CD1E: variants seen among roughly 807,000 people sequenced by gnomAD.
CD1E encodes CD1e molecule, also known as T-cell surface glycoprotein CD1e, membrane-associated.
In CD1E, 49 loss-of-function variants were observed where a neutral mutation model predicts 40.1. The observed-to-expected ratio is 1.22, with a 90% CI of 0.97 to 1.55. The LOEUF is 1.55. Among genes scored for constraint, CD1E ranks in the 40% most tolerant of loss-of-function variants. The pLI, the probability that CD1E is intolerant of heterozygous loss-of-function variation, is 0.00. For synonymous variants in CD1E, 189 were observed against 178.3 expected (o/e 1.06, Z -0.48); for missense variants, 492 against 471.3 (o/e 1.04, Z -0.41).
intron 4 of CD1E, 93 bp from the exon 5 acceptor site, chr1:158,356,405 T>A: frequency 9.5e-7 from 1 of 1,051,922 alleles, no homozygotes; most frequent in Non-Finnish European, 1.4e-6. Context: ...CAGATGAAAA[T>A]TCTAGGAAGG....
chr1:158,355,401 A>G lies in CD1E; in HGVS notation c.457A>G (p.Ile153Val), dbSNP rs1417987319. 6.2e-7 allele frequency: 1 copy of G among 1,613,994 alleles called. No homozygotes were observed. The highest frequency in any genetic ancestry group is 1.7e-5 in the Admixed American group (1 of 60,004). The change falls in exon 3 of 6, where the codon ATT becomes GTT. Residue 153 changes from isoleucine to valine, a missense_variant. Transcript: ENST00000368167. Reference protein sequence around the residue: ...QGSDFLSFQGISWEPSPGAGI... With the variant: ...QGSDFLSFQGVSWEPSPGAGI... ...GTCAGATTTCCTGAGTTTCCAAGGA[A>G]TTTCCTGGGAGCCATCTCCAGGAGC... is the stretch of plus-strand genomic sequence containing the variant.
At chr1:158,354,736 G>A in intron 2 of CD1E, 63 bp downstream of exon 2, 1 of 1,393,092 alleles carries the variant, frequency 7.2e-7, no homozygotes, top group Non-Finnish European at 1.0e-6. Context: ...CAAAGTGGAA[G>A]ATAGTATATA....
chr1:158,356,470 T>G, intron 4 of CD1E, 28 bp from the exon 5 acceptor site: 1 of 1,509,300 alleles, frequency 6.6e-7, no homozygotes, highest in African/African-American at 1.4e-5. Flanking sequence ...TATTTTAGGG[T>G]TGGTATTCTT....
Position 158,355,917 on chromosome 1 carries a change from C to G in CD1E, c.716C>G (p.Pro239Arg), listed in dbSNP as rs1282198053. 2 of 1,613,994 alleles carry G rather than the reference C, an allele frequency of 1.2e-6. No individual in the cohort carries two copies. The highest frequency in any genetic ancestry group is 2.7e-5 in the African/African-American group (2 of 74,908). ...CATGTCTCAGGATTCTACCCAAAGC[C>G]CGTGTGGGTGATGTGGATGCGGGGT... ...VCHVSGFYPK[P>R]VWVMWMRGEQ... The change falls in exon 4 of 6, where the codon CCC becomes CGC. Residue 239 changes from proline to arginine, a missense_variant. By Grantham distance (103) the Pro-to-Arg change is moderately radical (BLOSUM62 -2). Transcript: ENST00000368167.
rs1370900532 is a variant in CD1E, at chr1:158,357,041, A to G, written c.*145A>G. ...TAGGAATACTTTTTCCCCATCTTCC[A>G]GAGATTTTTTTTTTCCTGCTTTGGC... On this transcript the variant is annotated 3_prime_UTR_variant, in exon 6 of 6. Transcript: ENST00000368167. 1 of 645,566 alleles carries G rather than the reference A, an allele frequency of 1.5e-6. No individual in the cohort carries two copies. The highest frequency in any genetic ancestry group is 1.8e-5 in the African/African-American group (1 of 54,450). 40.0% of individuals were successfully genotyped at this position (645,566 alleles called of 1,614,324 possible). A position where few individuals can be genotyped will look rare whatever the true frequency, so the allele number is the denominator to read the frequency against.
At chr1:158,356,170 G>A (rs1484999655) in intron 4 of CD1E, 65 bp downstream of exon 4, 3 of 1,575,442 alleles carry the variant, frequency 1.9e-6, no homozygotes, top group Non-Finnish European at 2.6e-6. Flanking sequence ...TGAGTGTGGG[G>A]CTGAGGAAAT....
In CD1E at chr1:158,356,944, C is replaced by T; in HGVS notation, c.*48C>T. 2.2e-5 allele frequency: 32 copies of T among 1,475,568 alleles called. No individual in the cohort carries two copies. The highest frequency in any genetic ancestry group is 3.0e-5 in the Non-Finnish European group (32 of 1,055,106). The allele number at this position is 1,475,568 out of a possible 1,614,324, so 91.4% of individuals were successfully genotyped here. The stretch of plus-strand genomic sequence containing the variant: ...AAATCCTTGTCTGCATCTTCTTAAA[C>T]ACCGTCCATGTCCCATAAGGGAAGC... On this transcript the variant is annotated 3_prime_UTR_variant, in exon 6 of 6. Coordinates refer to ENST00000368167, the MANE Select transcript of CD1E (RefSeq NM_030893.4).
rs1364338424 is a variant in CD1E at position 158,356,108 on chromosome 1, G to A, written c.904+3G>A. The A allele has an allele frequency of 1.4e-5, 22 of 1,613,436 alleles. No individual in the cohort carries two copies. The Admixed American group carries it at 3.7e-4, about 27-fold the overall frequency. ...CCATGATCTAATCATCCATTGGGGTGAGAAACAGCTGAGGCTCTGCTGGGA... is the reference window on the plus strand; with the variant it reads ...CCATGATCTAATCATCCATTGGGGTAAGAAACAGCTGAGGCTCTGCTGGGA... On this transcript the variant is annotated splice_donor_region_variant and intron_variant, in intron 4 of 5. Transcript: ENST00000368167.
At chr1:158,356,182 G>A (rs1653650796) in intron 4 of CD1E, 77 bp downstream of exon 4, 1 of 1,523,002 alleles carries the variant, frequency 6.6e-7, no homozygotes, top group Non-Finnish European at 9.0e-7. Flanking sequence ...TGAGGAAATG[G>A]GTAGGAATGC....
At position 158,355,811 on chromosome 1, in the gene CD1E, A is replaced by G. The variant is rs1557837797; in HGVS notation, c.626-16A>G. On this transcript the variant is annotated splice_polypyrimidine_tract_variant and intron_variant, in intron 3 of 5. Transcript: ENST00000368167. ...CCCTTCAAAATTCCATTTTTTTTCT[A>G]TCTTCTTCTTCCTAGTGAAGCCAGA... 2 of 1,593,298 alleles carry G rather than the reference A, an allele frequency of 1.3e-6. 1 individual carries two copies.
In CD1E at chr1:158,355,496, C is replaced by T; in HGVS notation, c.552C>T (p.Ser184=). Reference sequence around the variant, plus strand: ...TAGATATTAAGGAAATACTGCAAAGCCTTCTTGGTCACACCTGCCCTCGAT... The same window carrying T: ...TAGATATTAAGGAAATACTGCAAAGTCTTCTTGGTCACACCTGCCCTCGAT... ...RYLDIKEILQ[S]LLGHTCPRFL... The change falls in exon 3 of 6, where the codon AGC becomes AGT. Residue 184 remains serine, a synonymous_variant. Coordinates refer to ENST00000368167, the MANE Select transcript of CD1E (RefSeq NM_030893.4). 6.2e-7 allele frequency: 1 copy of T among 1,614,108 alleles called. No individual in the cohort carries two copies. The highest frequency in any genetic ancestry group is 8.5e-7 in the Non-Finnish European group (1 of 1,180,000).
At chr1:158,355,720 T>A in intron 3 of CD1E, 107 bp from the exon 4 acceptor site, 2 of 1,419,862 alleles carry the variant, frequency 1.4e-6, no homozygotes, top group Non-Finnish European at 9.4e-7. Flanking sequence ...GAGAAAGAAG[T>A]GATTACTAAA....
Position 158,356,869 on chromosome 1 carries a change from G to A in CD1E, c.1140G>A (p.Trp380Ter). Residue 380 changes from tryptophan to a stop codon, truncating the protein, a stop_gained, in exon 6 of 6, where the codon TGG becomes TGA. Coordinates refer to ENST00000368167, the MANE Select transcript of CD1E (RefSeq NM_030893.4). LOFTEE classifies it high-confidence loss of function. ...SWIKNRVLKK[W>*]KTRLNQLW ...TCAAAAACAGAGTATTGAAGAAGTG[G>A]AAGACACGCCTAAACCAACTCTGGT... 6.2e-7 allele frequency: 1 copy of A among 1,613,912 alleles called. No homozygotes were observed. The highest frequency in any genetic ancestry group is 8.5e-7 in the Non-Finnish European group (1 of 1,179,970).
At chr1:158,355,279 C>G (rs1387242329) in intron 2 of CD1E, 21 bp from the exon 3 acceptor site, 7 of 1,608,636 alleles carry the variant, frequency 4.4e-6, no homozygotes, top group South Asian at 2.2e-5. Flanking sequence ...ATAATGATCT[C>G]TCTTCCCTGT....
rs1343817793 is a variant in CD1E, at chr1:158,357,004, T to A, written c.*108T>A. 4 of 871,280 alleles carry A rather than the reference T, an allele frequency of 4.6e-6. No individual in the cohort carries two copies. Among genetic ancestry groups the A allele is most frequent in the Non-Finnish European group, 7.2e-6 (4 of 557,628 alleles). The allele number at this position is 871,280 out of a possible 1,614,324, so 54.0% of individuals were successfully genotyped here. A position where few individuals can be genotyped will look rare whatever the true frequency, so the allele number is the denominator to read the frequency against. ...TTTAAACAGTTTATACTAGCAAAGA[T>A]ACTGACCCCTTTAGGAATACTTTTT... On this transcript the variant is annotated 3_prime_UTR_variant, in exon 6 of 6. Coordinates refer to ENST00000368167, the MANE Select transcript of CD1E (RefSeq NM_030893.4).
At position 158,355,856 on chromosome 1, in the gene CD1E, C is replaced by T; in HGVS notation, c.655C>T (p.Pro219Ser). The change falls in exon 4 of 6, where the codon CCC becomes TCC. Residue 219 changes from proline (P) to serine (S), a missense_variant. Transcript: ENST00000368167. Reference protein sequence around the residue: ...VKPEAWLSCGPSPGPGRLQLV... With the variant: ...VKPEAWLSCGSSPGPGRLQLV... The stretch of plus-strand genomic sequence containing the variant: ...GCCAGAGGCCTGGCTGTCCTGTGGC[C>T]CCAGTCCTGGCCCTGGCCGTCTGCA... 3 of 1,613,970 alleles carry T rather than the reference C, an allele frequency of 1.9e-6. No individual in the cohort carries two copies. The highest frequency in any genetic ancestry group is 1.7e-5 in the Admixed American group (1 of 60,018).
At position 158,357,168 on chromosome 1, in the gene CD1E, T is replaced by C; in HGVS notation, c.*272T>C. 3.1e-6 allele frequency: 1 copy of C among 321,906 alleles called. No individual in the cohort carries two copies. Among genetic ancestry groups the C allele is most frequent in the Admixed American group, 4.4e-5 (1 of 22,918 alleles). The allele number at this position is 321,906 out of a possible 1,614,324, so 19.9% of individuals were successfully genotyped here. On this transcript the variant is annotated 3_prime_UTR_variant, in exon 6 of 6. Coordinates refer to ENST00000368167, the MANE Select transcript of CD1E (RefSeq NM_030893.4). Reference sequence around the variant, plus strand: ...TGATAGCTCTTCTGTACTCCCCAAATTGAACTGATCTTCACAAGCACATTC... The same window carrying C: ...TGATAGCTCTTCTGTACTCCCCAAACTGAACTGATCTTCACAAGCACATTC...
In CD1E at chr1:158,356,048, C is replaced by T. The variant is rs749946744; in HGVS notation, c.847C>T (p.Leu283=). ...LDVAAGEAAG[L]SCRVKHSSLG... ...TGTGGCGGCTGGGGAGGCAGCTGGC[C>T]TGTCCTGTCGGGTGAAACACAGCAG... The change falls in exon 4 of 6, where the codon CTG becomes TTG. Residue 283 remains leucine (L), a synonymous_variant. Transcript: ENST00000368167. 1 of 1,614,068 alleles carries T rather than the reference C, an allele frequency of 6.2e-7. No homozygotes were observed. The highest frequency in any genetic ancestry group is 1.1e-5 in the South Asian group (1 of 91,078).
At chr1:158,356,657 CT>C (rs35184522) in intron 5 of CD1E, 66 bp downstream of exon 5, 33,932 of 1,225,962 alleles carry the variant, frequency 0.028, 175 homozygotes, top group African/African-American at 0.076. Context: ...CCTCTATCTT[CT>C]TTTTTTTTTT....
Sources: allele counts gnomAD v4.1 joint callset, GRCh38; gene constraint gnomAD v4.1.1; transcripts MANE v1.5; gene names NCBI Gene and HGNC (gene_info 2026-07-23, HGNC 2026-07-21).